CDC42EP4: variants seen among roughly 807,000 people sequenced by gnomAD.
The protein encoded by CDC42EP4 is CDC42 effector protein (Rho GTPase binding) 4.
CDC42EP4 carries 6 observed loss-of-function variants against 5.6 expected under a neutral mutation model. That is an observed-to-expected ratio of 1.07 (90% CI 0.59 to 2.12). CDC42EP4 has a LOEUF of 2.12. Ranked by LOEUF, CDC42EP4 falls within the 30% of genes most tolerant of loss-of-function variation. The pLI, the probability that CDC42EP4 is intolerant of heterozygous loss-of-function variation, is 0.00. For synonymous variants in CDC42EP4, 230 were observed against 224.2 expected (o/e 1.03, Z -0.23); for missense variants, 490 against 508.6 (o/e 0.96, Z 0.35).
rs1264063240 is a variant in CDC42EP4 at position 73,285,580 on chromosome 17, G to A, written c.921C>T (p.Ser307=). The change falls in exon 2 of 2, where the codon AGC becomes AGT. Residue 307 remains serine (S), a synonymous_variant. Coordinates refer to ENST00000335793, the MANE Select transcript of CDC42EP4 (RefSeq NM_012121.5). This position sits in a 1 kb window ranked among gnomAD's most constrained non-coding sequence, Gnocchi z 6.8. The stretch of plus-strand genomic sequence containing the variant: ...CTGAGGTGCAGCTGGAGAGGGAGCT[G>A]CTGTCCCGTGTGGTGTGGCTGCCCA... ...RSMGSHTTRD[S]SSLSSCTSGI... The A allele has an allele frequency of 1.2e-6, 2 of 1,611,592 alleles. No homozygotes were observed. Among genetic ancestry groups the A allele is most frequent in the Admixed American group, 1.7e-5 (1 of 59,996 alleles).
Position 73,286,062 on chromosome 17 carries a change from CCTT to C in CDC42EP4, c.436_438del (p.Lys146del), listed in dbSNP as rs2062131710. On this transcript the variant is annotated inframe_deletion, in exon 2 of 2. Transcript: ENST00000335793. The surrounding 1 kb of genome is among the most constrained non-coding windows in gnomAD (Gnocchi z 7.7). Reference sequence around the variant, plus strand: ...TCATCGCCGCCCTCCCCGTCATTGGCCTTCTTCACGGGGCTGGATGACAGGCTC... The same window carrying C: ...TCATCGCCGCCCTCCCCGTCATTGGCCTTCACGGGGCTGGATGACAGGCTC... The C allele has an allele frequency of 6.2e-7, 1 of 1,613,980 alleles. No individual in the cohort carries two copies. The highest frequency in any genetic ancestry group is 8.5e-7 in the Non-Finnish European group (1 of 1,180,024).
chr17:73,284,774 T>A lies in CDC42EP4; in HGVS notation c.*656A>T, dbSNP rs1167184875. On this transcript the variant is annotated 3_prime_UTR_variant, in exon 2 of 2. Transcript: ENST00000335793. Reference sequence around the variant, plus strand: ...ATCCTGGAAGGGTCCCTTCTTGCAATTCACGAAGCCTGGGGGGCTTTCCTT... The same window carrying A: ...ATCCTGGAAGGGTCCCTTCTTGCAAATCACGAAGCCTGGGGGGCTTTCCTT... The A allele has an allele frequency of 6.6e-6, 1 of 152,246 alleles. No individual in the cohort carries two copies. The highest frequency in any genetic ancestry group is 1.9e-4 in the East Asian group (1 of 5,196). 9.4% of individuals were successfully genotyped at this position (152,246 alleles called of 1,614,324 possible).
intron 1 of CDC42EP4, among the ~76,000 whole-genome samples, chr17:73,296,980 CAAAAAAAAAAAA>C (rs35158994): frequency 3.9e-4 from 7 of 18,136 alleles, no homozygotes; most frequent in African/African-American, 1.2e-3. Context: ...GACTCCGTCT[CAAAAAAAAAAAA>C]AAAAAAAAAA....
At position 73,297,001 on chromosome 17, in the gene CDC42EP4, A is replaced by AAAAAAAAAAAAC. The variant is rs547362762; in HGVS notation, c.-112-10390_-112-10389insGTTTTTTTTTTT. Among the ~76,000 whole-genome samples the AAAAAAAAAAAAC allele has an allele frequency of 8.1e-3, 497 of 61,738 alleles. 96 individuals carry two copies. Among genetic ancestry groups the AAAAAAAAAAAAC allele is most frequent in the East Asian group, 0.011 (27 of 2,454 alleles). 40.5% of individuals were successfully genotyped at this position (61,738 alleles called of 152,430 possible). A position where few individuals can be genotyped will look rare whatever the true frequency, so the allele number is the denominator to read the frequency against. ...GTCTCAAAAAAAAAAAAAAAAAAAA[A>AAAAAAAAAAAAC]AAATACACAAGGCCAAGCGCCGTGG... On this transcript the variant is annotated intron_variant, in intron 1 of 1. Transcript: ENST00000335793.
At chr17:73,308,438 C>A (rs556156568) in intron 1 of CDC42EP4, among the ~76,000 whole-genome samples, 32 of 152,306 alleles carry the variant, frequency 2.1e-4, no homozygotes, top group East Asian at 1.9e-3. Context: ...TCCCTCCCCC[C>A]ACAGGGACAA....
intron 1 of CDC42EP4, among the ~76,000 whole-genome samples, chr17:73,306,330 TAA>T (rs56874446): frequency 3.4e-4 from 45 of 133,758 alleles, no homozygotes; most frequent in East Asian, 2.6e-3. Context: ...ACCCTGTCTC[TAA>T]AAAAAAAAAA....
At chr17:73,297,941 G>A (rs1465766218) in intron 1 of CDC42EP4, among the ~76,000 whole-genome samples, 1 of 150,698 alleles carries the variant, frequency 6.6e-6, no homozygotes, top group Non-Finnish European at 1.5e-5. Flanking sequence ...TTACAGGTGT[G>A]AGCCACCGCA....
intron 1 of CDC42EP4, among the ~76,000 whole-genome samples, chr17:73,304,374 T>G (rs1170322265): frequency 6.6e-6 from 1 of 151,840 alleles, no homozygotes; most frequent in Non-Finnish European, 1.5e-5. Context: ...CTCAAACTTC[T>G]GGGCTCAAGC....
Position 73,303,054 on chromosome 17 carries a change from A to AAAAAAAAAAAAT in CDC42EP4, c.-113+8838_-113+8839insATTTTTTTTTTT, listed in dbSNP as rs1239837356. 1.8e-3 allele frequency among the ~76,000 whole-genome samples: 218 copies of AAAAAAAAAAAAT among 122,770 alleles called. 3 individuals are homozygous for AAAAAAAAAAAAT. The highest frequency in any genetic ancestry group is 6.6e-3 in the African/African-American group (209 of 31,766). The allele number at this position is 122,770 out of a possible 152,430, so 80.5% of individuals were successfully genotyped here. A position where few individuals can be genotyped will look rare whatever the true frequency, so the allele number is the denominator to read the frequency against. On this transcript the variant is annotated intron_variant, in intron 1 of 1. Coordinates refer to ENST00000335793, the MANE Select transcript of CDC42EP4 (RefSeq NM_012121.5). The stretch of plus-strand genomic sequence containing the variant: ...ATCAGACTCCGTCTCAAAAAAAAAA[A>AAAAAAAAAAAAT]GATAATTGGCCAGGCGCGGTGGCTC...
chr17:73,288,697 C>T (rs906524212), intron 1 of CDC42EP4, among the ~76,000 whole-genome samples: 17 of 152,178 alleles, frequency 1.1e-4, no homozygotes, highest in Non-Finnish European at 1.5e-4. Flanking sequence ...TCCCCTTCTG[C>T]CCACAGCCTG....
chr17:73,294,378 A>C (rs2062175163), intron 1 of CDC42EP4, among the ~76,000 whole-genome samples: 1 of 152,100 alleles, frequency 6.6e-6, no homozygotes, highest in Non-Finnish European at 1.5e-5. Flanking sequence ...AGAAACAAAA[A>C]AACAAACCCA....
intron 1 of CDC42EP4, among the ~76,000 whole-genome samples, chr17:73,294,983 A>ATT (rs11411520): frequency 1.3e-5 from 2 of 151,442 alleles, no homozygotes; most frequent in East Asian, 1.9e-4. Context: ...TAATTTTTGT[A>ATT]TTTTTTTTAG....
rs1396879105 is a variant in CDC42EP4 at position 73,285,501 on chromosome 17, C to T, written c.1000G>A (p.Ala334Thr). The change falls in exon 2 of 2, where the codon GCT becomes ACT. Residue 334 changes from alanine to threonine, a missense_variant. Ala to Thr is a moderately conservative substitution (Grantham distance 58, BLOSUM62 0). Coordinates refer to ENST00000335793, the MANE Select transcript of CDC42EP4 (RefSeq NM_012121.5). This position sits in a 1 kb window ranked among gnomAD's most constrained non-coding sequence, Gnocchi z 6.8. ...AFRGPDRARA[A>T]VSRQPDKEFS... ...TCCTTGTCTGGCTGTCTTGAGACAG[C>T]AGCCCGGGCCCTGTCCGGCCCCCGG... The T allele has an allele frequency of 6.2e-7, 1 of 1,601,470 alleles. No homozygotes were observed.
chr17:73,296,045 A>G (rs1303894405), intron 1 of CDC42EP4, among the ~76,000 whole-genome samples: 1 of 151,950 alleles, frequency 6.6e-6, no homozygotes, highest in Admixed American at 6.6e-5. Flanking sequence ...TTCAAAGGCG[A>G]AAAAAGTCAC....
chr17:73,310,409 G>C (rs903431028), intron 1 of CDC42EP4, among the ~76,000 whole-genome samples: 5 of 152,076 alleles, frequency 3.3e-5, no homozygotes, highest in African/African-American at 9.7e-5. Flanking sequence ...GGACGAGAGA[G>C]AGATTTTCCC....
intron 1 of CDC42EP4, among the ~76,000 whole-genome samples, chr17:73,303,633 G>A (rs2062230599): frequency 6.8e-6 from 1 of 146,802 alleles, no homozygotes; most frequent in Non-Finnish European, 1.5e-5. Context: ...CTGCACTCCA[G>A]CCTGGGCAAC....
chr17:73,308,087 G>C (rs1459439363), intron 1 of CDC42EP4, among the ~76,000 whole-genome samples: 1 of 152,138 alleles, frequency 6.6e-6, no homozygotes, highest in Non-Finnish European at 1.5e-5. Flanking sequence ...AAAAAGGGCT[G>C]TGTCCAGTGC....
Position 73,285,892 on chromosome 17 carries a change from C to T in CDC42EP4, c.609G>A (p.Ala203=), listed in dbSNP as rs770964058. 8.1e-6 allele frequency: 13 copies of T among 1,613,906 alleles called. No homozygotes were observed. The highest frequency in any genetic ancestry group is 1.6e-4 in the Middle Eastern group (1 of 6,084). ...VPKATYGLKH[A]ESIMSFHIDL... ...CGATGTGGAAGGACATGATGGACTC[C>T]GCATGCTTCAGCCCGTACGTGGCCT... Residue 203 remains alanine, a synonymous_variant, in exon 2 of 2, where the codon GCG becomes GCA. Transcript: ENST00000335793. The surrounding 1 kb of genome is among the most constrained non-coding windows in gnomAD (Gnocchi z 6.8).
intron 1 of CDC42EP4, among the ~76,000 whole-genome samples, chr17:73,303,095 G>C (rs566510906): frequency 1.2e-4 from 18 of 149,916 alleles, no homozygotes; most frequent in Non-Finnish European, 2.5e-4. Flanking sequence ...TGTAATCCCA[G>C]AACTTTGGGA....
Sources: allele counts gnomAD v4.1 joint callset (sites outside exome capture counted in the v4.1 genomes callset), GRCh38; gene constraint gnomAD v4.1.1; non-coding constraint Gnocchi (gnomAD v3.1); transcripts MANE v1.5; gene names NCBI Gene and HGNC (gene_info 2026-07-23, HGNC 2026-07-21).